The following WDR88 variants were observed in gnomAD, a reference collection of about 807,000 sequenced individuals.
WDR88 encodes WD repeat domain 88.
WDR88 carries 40 observed loss-of-function variants against 46.8 expected under a neutral mutation model. The observed-to-expected ratio is 0.86, with a 90% CI of 0.66 to 1.11. The LOEUF is 1.11. Among genes scored for constraint, WDR88 ranks in the 50% most tolerant of loss-of-function variants. The probability of loss-of-function intolerance (pLI) is 0.00; values close to 1 mark genes in which losing one functional copy is unlikely to be tolerated. For synonymous variants in WDR88, 235 were observed against 240.7 expected, an observed-to-expected ratio of 0.98 and a Z score of 0.22; for missense variants, 562 against 602.4, an observed-to-expected ratio of 0.93 and a Z score of 0.70.
intron 2 of WDR88, among the ~76,000 whole-genome samples, chr19:33,144,400 A>G (rs1973467045): frequency 6.6e-6 from 1 of 152,116 alleles, no homozygotes; most frequent in African/African-American, 2.4e-5. Flanking sequence ...AGGTTTCACC[A>G]TGTTGGCCAG....
intron 10 of WDR88, chr19:33,174,770 A>G (rs1461875454): frequency 2.0e-6 from 2 of 985,158 alleles, no homozygotes; most frequent in African/African-American, 1.7e-5. Context: ...CATCCTCCCA[A>G]CTGTCAAGGG....
intron 10 of WDR88, chr19:33,174,072 G>T: frequency 8.2e-7 from 1 of 1,212,624 alleles, no homozygotes; most frequent in South Asian, 1.3e-5. Context: ...GGTTGGTCTC[G>T]AACTCCTGAG....
chr19:33,158,228 G>A (rs1229469756), intron 7 of WDR88, among the ~76,000 whole-genome samples: 1 of 152,090 alleles, frequency 6.6e-6, no homozygotes, highest in Admixed American at 6.6e-5. Context: ...TGCCACTGGG[G>A]CCTGGCTTGA....
intron 10 of WDR88, chr19:33,174,437 C>G: frequency 1.5e-6 from 2 of 1,373,012 alleles, no homozygotes; most frequent in Non-Finnish European, 1.9e-6. Flanking sequence ...GTGGGAACCC[C>G]TGAGGGGCCT....
At chr19:33,161,470 C>T (rs1973865757) in intron 8 of WDR88, among the ~76,000 whole-genome samples, 1 of 152,138 alleles carries the variant, frequency 6.6e-6, no homozygotes, top group Non-Finnish European at 1.5e-5. Flanking sequence ...TCACCTTTGG[C>T]TGTGAATGCG....
At chr19:33,134,347 A>C (rs1485231613) in intron 1 of WDR88, among the ~76,000 whole-genome samples, 1 of 151,682 alleles carries the variant, frequency 6.6e-6, no homozygotes, top group Non-Finnish European at 1.5e-5. Flanking sequence ...TTTTTAAATT[A>C]TTAATTTTAA....
chr19:33,135,697 C>T (rs1459792482), intron 1 of WDR88, among the ~76,000 whole-genome samples: 3 of 152,152 alleles, frequency 2.0e-5, no homozygotes, highest in Non-Finnish European at 4.4e-5. Flanking sequence ...GGATTACAGG[C>T]GTGAGCCACT....
intron 1 of WDR88, 81 bp from the exon 2 acceptor site, chr19:33,137,596 G>C: frequency 7.7e-7 from 1 of 1,295,356 alleles, no homozygotes; most frequent in Non-Finnish European, 1.1e-6. Context: ...TATTGCAAGT[G>C]TTTAGAAATA....
intron 9 of WDR88, among the ~76,000 whole-genome samples, chr19:33,170,647 GC>G (rs909491099): frequency 9.9e-5 from 15 of 152,122 alleles, no homozygotes; most frequent in African/African-American, 3.6e-4. Flanking sequence ...CATTGCCTGA[GC>G]TCAGGAGTTT....
At chr19:33,158,234 C>T (rs114897004) in intron 7 of WDR88, among the ~76,000 whole-genome samples, 77 of 152,202 alleles carry the variant, frequency 5.1e-4, no homozygotes, top group African/African-American at 1.8e-3. Context: ...TGGGGCCTGG[C>T]TTGAGAAGCA....
At chr19:33,160,918 T>C (rs1973853849) in intron 8 of WDR88, among the ~76,000 whole-genome samples, 1 of 152,150 alleles carries the variant, frequency 6.6e-6, no homozygotes, top group Admixed American at 6.5e-5. Flanking sequence ...ACTCCTGTAA[T>C]CCCAGTACTT....
At chr19:33,168,894 G>T (rs1251315224) in intron 9 of WDR88, among the ~76,000 whole-genome samples, 1 of 152,166 alleles carries the variant, frequency 6.6e-6, no homozygotes, top group Non-Finnish European at 1.5e-5. Flanking sequence ...TTAAAACAGT[G>T]TAGTTCTGGC....
chr19:33,164,363 G>A, intron 9 of WDR88, 98 bp downstream of exon 9: 1 of 1,103,458 alleles, frequency 9.1e-7, no homozygotes, highest in Non-Finnish European at 1.4e-6. Flanking sequence ...TGGGTTCGGT[G>A]AGCTGTACCT....
At chr19:33,167,700 TCTTC>T (rs1487033642) in intron 9 of WDR88, among the ~76,000 whole-genome samples, 4 of 151,108 alleles carry the variant, frequency 2.6e-5, no homozygotes, top group East Asian at 1.9e-4. Flanking sequence ...GTCCTTTCTT[TCTTC>T]CTTCCTTCAA....
chr19:33,137,242 G>A (rs1003088693), intron 1 of WDR88, among the ~76,000 whole-genome samples: 6 of 138,812 alleles, frequency 4.3e-5, no homozygotes, highest in African/African-American at 8.5e-5. Context: ...ATGAGCCACC[G>A]TGCCCAGCCA....
intron 10 of WDR88, 86 bp from the exon 11 acceptor site, chr19:33,175,310 A>C: frequency 7.3e-7 from 1 of 1,372,990 alleles, no homozygotes; most frequent in Non-Finnish European, 1.0e-6. Flanking sequence ...GCCCCAGCTC[A>C]AGGTAGCTGG....
At chr19:33,153,122 C>A (rs964120004) in intron 6 of WDR88, among the ~76,000 whole-genome samples, 4 of 152,106 alleles carry the variant, frequency 2.6e-5, no homozygotes, top group African/African-American at 7.2e-5. Flanking sequence ...GTGATCATAG[C>A]TCACTGGAGC....
At chr19:33,148,328 C>G (rs1050861058) in intron 4 of WDR88, among the ~76,000 whole-genome samples, 1 of 152,138 alleles carries the variant, frequency 6.6e-6, no homozygotes, top group Non-Finnish European at 1.5e-5. Context: ...GTCCCTTCCT[C>G]CTTCCTTTCC....
At chr19:33,170,993 ATTATTT>A (rs1043980618) in intron 9 of WDR88, among the ~76,000 whole-genome samples, 8 of 151,990 alleles carry the variant, frequency 5.3e-5, no homozygotes, top group African/African-American at 1.9e-4. Flanking sequence ...TATTATTATT[ATTATTT>A]TTTTGAGACA....
Sources: allele counts gnomAD v4.1 joint callset (sites outside exome capture counted in the v4.1 genomes callset), GRCh38; gene constraint gnomAD v4.1.1; transcripts MANE v1.5; gene names NCBI Gene and HGNC (gene_info 2026-07-23, HGNC 2026-07-21).